CACNA1C: variants seen among roughly 807,000 people sequenced by gnomAD.
CACNA1C encodes the protein calcium voltage-gated channel subunit alpha1 C, also known as voltage-dependent L-type calcium channel subunit alpha-1C.
A neutral mutation model predicts 229.0 loss-of-function variants in CACNA1C; 30 were observed. The ratio of observed to expected loss-of-function variants is 0.13; its 90% CI spans 0.10 to 0.18. CACNA1C has a LOEUF of 0.18. Among genes scored for constraint, CACNA1C ranks in the 10% least tolerant of loss-of-function variants. The pLI, the probability that CACNA1C is intolerant of heterozygous loss-of-function variation, is 1.00. For synonymous variants in CACNA1C, 1,114 were observed against 1,132.5 expected, an observed-to-expected ratio of 0.98 and a Z score of 0.33; for missense variants, 1,658 against 2,845.0, an observed-to-expected ratio of 0.58 and a Z score of 9.49.
At chr12:2,567,924 G>T in intron 13 of CACNA1C, 130 bp downstream of exon 13, 2 of 600,820 alleles carry the variant, frequency 3.3e-6, no homozygotes, top group Non-Finnish European at 6.0e-6. Flanking sequence ...AAGTTCACAT[G>T]CAATGGGGGT....
At position 2,396,389 on chromosome 12, in the gene CACNA1C, G is replaced by A. The variant is rs551516024; in HGVS notation, c.478-52587G>A. ...GTGTCCGAGTCAAGGGGACGAAGAG[G>A]CCTGCCCAAGAAGAAGAGGGATGAT... On this transcript the variant is annotated intron_variant, in intron 3 of 46. Transcript: ENST00000399655. Among the ~76,000 whole-genome samples the A allele has an allele frequency of 9.9e-5, 15 of 152,274 alleles. No individual in the cohort carries two copies. The South Asian group carries it at 1.0e-3, about 11-fold the overall frequency.
At chr12:2,449,211 C>A in intron 4 of CACNA1C, 96 bp downstream of exon 4, 1 of 906,572 alleles carries the variant, frequency 1.1e-6, no homozygotes, top group Non-Finnish European at 1.6e-6. Flanking sequence ...CAGACGGCCA[C>A]AAAGATTTAG....
At chr12:2,255,600 A>G (rs1325858977) in intron 3 of CACNA1C, among the ~76,000 whole-genome samples, 2 of 152,246 alleles carry the variant, frequency 1.3e-5, no homozygotes, top group African/African-American at 4.8e-5. Context: ...CCAGTTTACT[A>G]AGTGTGTGAC....
In CACNA1C at chr12:2,493,212, T is replaced by C. The variant is rs1406103546; in HGVS notation, c.939T>C (p.Pro313=). 1 of 1,613,952 alleles carries C rather than the reference T, an allele frequency of 6.2e-7. No individual in the cohort carries two copies. The highest frequency in any genetic ancestry group is 1.1e-5 in the South Asian group (1 of 91,060). ...GIADVPAEDD[P]SPCALETGHG... ...GAGATGTTCCAGCAGAAGATGACCC[T>C]TCCCCTTGTGCGCTGGAAACGGGCC... Residue 313 remains proline, a synonymous_variant, in exon 7 of 47, where the codon CCT becomes CCC. Coordinates refer to ENST00000399655, the MANE Select transcript of CACNA1C (RefSeq NM_000719.7). This position sits in a 1 kb window ranked among gnomAD's most constrained non-coding sequence, Gnocchi z 4.6.
Position 2,120,574 on chromosome 12 carries a change from G to C in CACNA1C, c.477+144G>C, listed in dbSNP as rs553914161. 6.4e-5 allele frequency: 43 copies of C among 675,222 alleles called. No individual in the cohort carries two copies. The South Asian group carries it at 7.5e-4, about 12-fold the overall frequency. 41.8% of individuals were successfully genotyped at this position (675,222 alleles called of 1,614,324 possible). A position where few individuals can be genotyped will look rare whatever the true frequency, so the allele number is the denominator to read the frequency against. On this transcript the variant is annotated intron_variant, in intron 3 of 46. Transcript: ENST00000399655. ...CTGCAGAGCTCACATCCCGAGTGCT[G>C]TTTTACTCTTTATTCAAATCAGCAC...
At chr12:2,371,458 GAGGAGCTTGTTA>G (rs112841176) in intron 3 of CACNA1C, among the ~76,000 whole-genome samples, 2,611 of 152,262 alleles carry the variant, frequency 0.017, 68 homozygotes, top group African/African-American at 0.059. Context: ...ACAAGCACCT[GAGGAGCTTGTTA>G]AAACAGTGCT....
rs558878322 is a variant in CACNA1C at position 2,601,547 on chromosome 12, C to T, written c.2854-307C>T. Among the ~76,000 whole-genome samples, 57 of 152,224 alleles carry T rather than the reference C, an allele frequency of 3.7e-4. 1 individual carries two copies. In the South Asian group the frequency reaches 8.1e-3, roughly 22 times the overall value. On this transcript the variant is annotated intron_variant, in intron 21 of 46. Coordinates refer to ENST00000399655, the MANE Select transcript of CACNA1C (RefSeq NM_000719.7). The surrounding 1 kb of genome is among the most constrained non-coding windows in gnomAD (Gnocchi z 5.9). ...CATGGACTTGGGATGTGGAACAGTGCGAAATTAGAGTGGGATGGTGGGGCC... is the reference window on the plus strand; with the variant it reads ...CATGGACTTGGGATGTGGAACAGTGTGAAATTAGAGTGGGATGGTGGGGCC...
At chr12:2,088,043 CTATT>C (rs1305433888) in intron 1 of CACNA1C, among the ~76,000 whole-genome samples, 5 of 152,172 alleles carry the variant, frequency 3.3e-5, no homozygotes, top group Non-Finnish European at 7.3e-5. Context: ...GTCTGCTTAT[CTATT>C]AAGTGGGAAT....
At chr12:2,600,597 C>T (rs1370452204) in intron 21 of CACNA1C, among the ~76,000 whole-genome samples, 4 of 152,216 alleles carry the variant, frequency 2.6e-5, no homozygotes, top group African/African-American at 7.2e-5. Context: ...CTGGCCCTTA[C>T]GCAAGTCGGC....
intron 1 of CACNA1C, among the ~76,000 whole-genome samples, chr12:2,106,438 G>A (rs546040868): frequency 9.3e-5 from 9 of 96,844 alleles, no homozygotes; most frequent in African/African-American, 3.1e-4. Flanking sequence ...CCACCCTGGG[G>A]AGGGTTTCCA....
At chr12:2,186,655 A>G (rs2097024340) in intron 3 of CACNA1C, among the ~76,000 whole-genome samples, 1 of 152,216 alleles carries the variant, frequency 6.6e-6, no homozygotes, top group South Asian at 2.1e-4. Flanking sequence ...ACACGTTTCC[A>G]TAGCACAATG....
intron 3 of CACNA1C, among the ~76,000 whole-genome samples, chr12:2,292,634 A>AGGCT (rs2154458593): frequency 6.6e-6 from 1 of 152,336 alleles, no homozygotes; most frequent in African/African-American, 2.4e-5. Context: ...ACTGGCAGGC[A>AGGCT]GGCTAGAGGG....
intron 5 of CACNA1C, among the ~76,000 whole-genome samples, chr12:2,485,343 C>T (rs1056032522): frequency 6.6e-6 from 1 of 152,132 alleles, no homozygotes; most frequent in Admixed American, 6.5e-5. Context: ...TAACCACCTT[C>T]CTGTCATTTG....
chr12:2,608,836 C>T lies in CACNA1C; in HGVS notation c.3558+124C>T. ...CAGATACTGAGATCGTCTCTCTATT[C>T]CTCAACCAGAGTGGGCTGTCAGTCT... On this transcript the variant is annotated intron_variant, in intron 27 of 46. Transcript: ENST00000399655. The surrounding 1 kb of genome is among the most constrained non-coding windows in gnomAD (Gnocchi z 4.2). The T allele has an allele frequency of 1.1e-6, 1 of 923,700 alleles. No individual in the cohort carries two copies. Among genetic ancestry groups the T allele is most frequent in the Non-Finnish European group, 1.6e-6 (1 of 610,340 alleles). 57.2% of individuals were successfully genotyped at this position (923,700 alleles called of 1,614,324 possible). A position where few individuals can be genotyped will look rare whatever the true frequency, so the allele number is the denominator to read the frequency against.
chr12:2,432,373 A>G (rs933409700), intron 3 of CACNA1C, among the ~76,000 whole-genome samples: 1 of 152,206 alleles, frequency 6.6e-6, no homozygotes, highest in African/African-American at 2.4e-5. Context: ...GGTGCTCACC[A>G]TGATGCCAGG....
chr12:2,080,569 C>A lies in CACNA1C; in HGVS notation c.49+26958C>A, dbSNP rs547547965. 2.0e-5 allele frequency among the ~76,000 whole-genome samples: 3 copies of A among 149,098 alleles called. No individual in the cohort carries two copies. The East Asian group carries it at 5.9e-4, about 29-fold the overall frequency. ...TGAGCCAAGATCGCGCCACTGCACTCCAGCATGGGCAACAGAGTGAGACTC... is the reference window on the plus strand; with the variant it reads ...TGAGCCAAGATCGCGCCACTGCACTACAGCATGGGCAACAGAGTGAGACTC... On this transcript the variant is annotated intron_variant, in intron 1 of 46. Coordinates refer to ENST00000399655, the MANE Select transcript of CACNA1C (RefSeq NM_000719.7).
intron 9 of CACNA1C, among the ~76,000 whole-genome samples, chr12:2,546,659 C>G (rs2099881771): frequency 6.6e-6 from 1 of 152,246 alleles, no homozygotes; most frequent in South Asian, 2.1e-4. Flanking sequence ...CTGGAGCACT[C>G]TCCTCTTCAG....
chr12:2,662,474 T>C (rs2095813928), intron 34 of CACNA1C, among the ~76,000 whole-genome samples: 1 of 152,204 alleles, frequency 6.6e-6, no homozygotes, highest in South Asian at 2.1e-4. Flanking sequence ...GTTGAAACTA[T>C]ACCATTTTAA....
intron 3 of CACNA1C, among the ~76,000 whole-genome samples, chr12:2,422,071 C>G (rs2098984883): frequency 6.6e-6 from 1 of 152,126 alleles, no homozygotes; most frequent in Non-Finnish European, 1.5e-5. Context: ...AATCTAGAAA[C>G]AGAAAATACC....
Sources: gnomAD v4.1 joint callset for allele counts (sites outside exome capture counted in the v4.1 genomes callset) on GRCh38, gnomAD v4.1.1 for gene constraint, Gnocchi (gnomAD v3.1) non-coding constraint, MANE v1.5 for transcripts, NCBI Gene and HGNC (gene_info 2026-07-23, HGNC 2026-07-21) for gene names.